WDR27: variants seen among roughly 807,000 people sequenced by gnomAD.
The protein encoded by WDR27 is WD repeat-containing protein 27.
Under a neutral mutation model 114.4 loss-of-function variants are expected in WDR27, and 100 were observed. The observed-to-expected ratio is 0.87, with a 90% confidence interval of 0.74 to 1.03. The LOEUF (loss-of-function observed/expected upper bound fraction) is 1.03. WDR27 is among the 50% of genes least tolerant of loss of function. WDR27 has a pLI of 0.00. For missense variants in WDR27, 1,129 were observed against 1,092.9 expected, an observed-to-expected ratio of 1.03 and a Z score of -0.47; for synonymous variants, 449 against 423.1, an observed-to-expected ratio of 1.06 and a Z score of -0.75.
intron 23 of WDR27, 50 bp downstream of exon 23, chr6:169,602,169 T>C (rs533810804): frequency 2.9e-6 from 4 of 1,396,260 alleles, no homozygotes; most frequent in Non-Finnish European, 2.9e-6. Context: ...AGTCTACACA[T>C]TACCAAAGTC....
chr6:169,467,131 G>C (rs1785694711), intron 25 of WDR27, among the ~76,000 whole-genome samples: 2 of 152,148 alleles, frequency 1.3e-5, no homozygotes. Context: ...ATGCTCATTA[G>C]AGGCAGGTTC....
rs118182579 is a variant in WDR27, at chr6:169,554,555, T to C, written c.2645+17864A>G. On this transcript the variant is annotated intron_variant, in intron 25 of 25. Coordinates refer to ENST00000448612, the MANE Select transcript of WDR27 (RefSeq NM_182552.5). ...AATCAAAATATTGAAGTAGGGTGCA[T>C]CCTTAAAAATATAAGCATTTCTGCA... Among the ~76,000 whole-genome samples the C allele has an allele frequency of 1.3e-3, 205 of 152,312 alleles. 4 individuals are homozygous for C. In the East Asian group the frequency reaches 0.032, roughly 24 times the overall value.
rs2128280568 is a variant in WDR27, at chr6:169,664,369, AG to A, written c.784-84del. 3.1e-6 allele frequency: 5 copies of A among 1,602,478 alleles called. No homozygotes were observed. The South Asian group carries it at 4.4e-5, about 14-fold the overall frequency. On this transcript the variant is annotated intron_variant, in intron 7 of 25. Coordinates refer to ENST00000448612, the MANE Select transcript of WDR27 (RefSeq NM_182552.5). ...CAGCAACACCAGAGGTGGAGCAGGG[AG>A]GGCAGACACGTCACAGGACGGGCCC...
At chr6:169,643,980 C>T (rs1320232191) in intron 16 of WDR27, among the ~76,000 whole-genome samples, 194 bp from the exon 17 acceptor site, 1 of 151,446 alleles carries the variant, frequency 6.6e-6, no homozygotes. Flanking sequence ...TGTAGAAAAC[C>T]CTAGTTCACA....
At chr6:169,463,303 C>T (rs1785145269) in intron 25 of WDR27, among the ~76,000 whole-genome samples, 1 of 152,346 alleles carries the variant, frequency 6.6e-6, no homozygotes, top group Middle Eastern at 3.4e-3. Context: ...ATGAAGCTCT[C>T]ATAAGCTAGG....
chr6:169,636,824 T>A (rs1370818704), intron 18 of WDR27, among the ~76,000 whole-genome samples: 1 of 152,216 alleles, frequency 6.6e-6, no homozygotes, highest in Non-Finnish European at 1.5e-5. Flanking sequence ...TAAAATACAG[T>A]TCTGAGGTGT....
intron 2 of WDR27, 135 bp from the exon 3 acceptor site, chr6:169,672,531 CATTT>C (rs1779015669): frequency 1.0e-6 from 1 of 994,146 alleles, no homozygotes; most frequent in East Asian, 2.7e-5. Context: ...ATTGTTAATT[CATTT>C]GTTAAAATCC....
intron 9 of WDR27, 67 bp downstream of exon 9, chr6:169,662,237 C>A: frequency 6.4e-7 from 1 of 1,552,014 alleles, no homozygotes; most frequent in Non-Finnish European, 8.8e-7. Context: ...GAAAATGAAC[C>A]TAATGTTCAT....
intron 25 of WDR27, among the ~76,000 whole-genome samples, chr6:169,568,960 C>G (rs1173211982): frequency 2.0e-5 from 3 of 152,154 alleles, no homozygotes; most frequent in Non-Finnish European, 4.4e-5. Context: ...TAGAAGGAAG[C>G]CGCATGCCCC....
intron 25 of WDR27, among the ~76,000 whole-genome samples, chr6:169,554,752 G>A (rs962377734): frequency 5.9e-5 from 9 of 152,096 alleles, no homozygotes; most frequent in Middle Eastern, 3.2e-3. Context: ...CTTTCCCCAC[G>A]AGTGCATTAG....
At chr6:169,695,605 A>T in intron 1 of WDR27, among the ~76,000 whole-genome samples, 1 of 152,150 alleles carries the variant, frequency 6.6e-6, no homozygotes, top group East Asian at 1.9e-4. Flanking sequence ...CCAATTACAT[A>T]AAATAGTACC....
intron 25 of WDR27, among the ~76,000 whole-genome samples, chr6:169,511,175 G>T (rs761270078): frequency 3.9e-5 from 6 of 152,154 alleles, no homozygotes; most frequent in Non-Finnish European, 5.9e-5. Context: ...AATCCATTTA[G>T]CTGCCTTTGA....
chr6:169,466,215 C>CT (rs1186754928), intron 25 of WDR27, among the ~76,000 whole-genome samples: 1 of 152,110 alleles, frequency 6.6e-6, no homozygotes, highest in Non-Finnish European at 1.5e-5. Flanking sequence ...CATCCTCACA[C>CT]TTTTTTTGGA....
chr6:169,659,427 G>T lies in WDR27; in HGVS notation c.1197+24C>A. On this transcript the variant is annotated intron_variant, in intron 11 of 25. Coordinates refer to ENST00000448612, the MANE Select transcript of WDR27 (RefSeq NM_182552.5). The surrounding 1 kb of genome is among the most constrained non-coding windows in gnomAD (Gnocchi z 4.3). ...AATCAGAGGCACGTCTCATAGACAG[G>T]GAGGGCCGCGTCTCAGGACTGACCT... 1 of 1,603,034 alleles carries T rather than the reference G, an allele frequency of 6.2e-7. No individual in the cohort carries two copies.
chr6:169,657,655 T>C (rs1243124686), intron 13 of WDR27: 1 of 152,570 alleles, frequency 6.6e-6, no homozygotes, highest in East Asian at 1.9e-4. Flanking sequence ...AAAGGGAACA[T>C]AATGACGTTT....
chr6:169,538,865 T>C (rs928190514), intron 25 of WDR27, among the ~76,000 whole-genome samples: 20 of 152,204 alleles, frequency 1.3e-4, no homozygotes, highest in African/African-American at 4.1e-4. Context: ...ACTCCTATGA[T>C]ACAATCCCAT....
chr6:169,568,736 T>A (rs1006749555), intron 25 of WDR27, among the ~76,000 whole-genome samples: 1 of 152,222 alleles, frequency 6.6e-6, no homozygotes, highest in Non-Finnish European at 1.5e-5. Context: ...CACAGTCTCA[T>A]GGATTAAGGG....
At chr6:169,577,698 CGG>C (rs1351713947) in intron 24 of WDR27, among the ~76,000 whole-genome samples, 1 of 152,232 alleles carries the variant, frequency 6.6e-6, no homozygotes, top group Non-Finnish European at 1.5e-5. Flanking sequence ...TTTTCCTCCG[CGG>C]CCCATGGGAG....
Position 169,663,405 on chromosome 6 carries a change from G to C in WDR27, c.904+761C>G, listed in dbSNP as rs1036941761. 4.6e-5 allele frequency among the ~76,000 whole-genome samples: 7 copies of C among 152,162 alleles called. No individual in the cohort carries two copies. In the East Asian group the frequency reaches 7.7e-4, roughly 17 times the overall value. On this transcript the variant is annotated intron_variant, in intron 8 of 25. Coordinates refer to ENST00000448612, the MANE Select transcript of WDR27 (RefSeq NM_182552.5). ...GAATGAGTAACCAGAATGAGGAAGA[G>C]AGTGTAGGCTGTGAGCCCAGAGATG...
Sources: gnomAD v4.1 joint callset for allele counts (sites outside exome capture counted in the v4.1 genomes callset) on GRCh38, gnomAD v4.1.1 for gene constraint, Gnocchi (gnomAD v3.1) non-coding constraint, MANE v1.5 for transcripts, NCBI Gene and HGNC (gene_info 2026-07-23, HGNC 2026-07-21) for gene names.